The following NKAIN2 variants were observed in gnomAD, a reference collection of about 807,000 sequenced individuals.
NKAIN2 encodes sodium/potassium-transporting ATPase subunit beta-1-interacting protein 2.
NKAIN2 carries 14 observed loss-of-function variants against 32.6 expected under a neutral mutation model. The observed-to-expected ratio is 0.43, with a 90% CI of 0.28 to 0.67. The LOEUF is 0.67. Among genes scored for constraint, NKAIN2 ranks in the 30% least tolerant of loss-of-function variants. The pLI is 0.17. For synonymous variants in NKAIN2, 80 were observed against 87.2 expected, an observed-to-expected ratio of 0.92 and a Z score of 0.46; for missense variants, 198 against 258.3, an observed-to-expected ratio of 0.77 and a Z score of 1.60.
At chr6:124,616,926 C>T (rs1782927946) in intron 3 of NKAIN2, among the ~76,000 whole-genome samples, 1 of 152,006 alleles carries the variant, frequency 6.6e-6, no homozygotes, top group African/African-American at 2.4e-5. Flanking sequence ...TGACTCCAGT[C>T]ATGATATGCC....
intron 1 of NKAIN2, among the ~76,000 whole-genome samples, chr6:123,889,957 A>G (rs1773920665): frequency 6.6e-6 from 1 of 152,130 alleles, no homozygotes; most frequent in South Asian, 2.1e-4. Flanking sequence ...TGATGGCAGA[A>G]GATGACATAA....
At chr6:124,360,212 G>A (rs547128749) in intron 3 of NKAIN2, among the ~76,000 whole-genome samples, 26 of 152,216 alleles carry the variant, frequency 1.7e-4, no homozygotes, top group African/African-American at 6.0e-4. Context: ...ATGTTCATCA[G>A]GGATATTGGT....
intron 1 of NKAIN2, among the ~76,000 whole-genome samples, chr6:123,935,055 T>TTA (rs1245205053): frequency 6.1e-5 from 9 of 147,222 alleles, no homozygotes; most frequent in African/African-American, 2.2e-4. Flanking sequence ...GAAATATATA[T>TTA]TATATATATA....
At chr6:124,303,294 A>G (rs949191155) in intron 2 of NKAIN2, among the ~76,000 whole-genome samples, 3 of 152,220 alleles carry the variant, frequency 2.0e-5, no homozygotes, top group African/African-American at 7.2e-5. Context: ...CCAAGAAACC[A>G]AAGAACATGG....
chr6:124,331,284 G>A lies in NKAIN2; in HGVS notation c.193-23983G>A, dbSNP rs1412281954. Among the ~76,000 whole-genome samples the A allele has an allele frequency of 4.5e-5, 6 of 134,518 alleles. No individual in the cohort carries two copies. The East Asian group carries it at 1.2e-3, about 26-fold the overall frequency. 88.2% of individuals were successfully genotyped at this position (134,518 alleles called of 152,430 possible). ...TGGGAGGATGAGGCAGGCGTATCAC[G>A]AGGTCAGGAGATCGAGACCATCCTG... On this transcript the variant is annotated intron_variant, in intron 2 of 6. Coordinates refer to ENST00000368417, the MANE Select transcript of NKAIN2 (RefSeq NM_001040214.3).
intron 1 of NKAIN2, among the ~76,000 whole-genome samples, chr6:124,259,313 T>C (rs370640992): frequency 9.2e-5 from 14 of 152,132 alleles, no homozygotes; most frequent in Admixed American, 9.2e-4. Flanking sequence ...ACAGAAACCA[T>C]GAGGATGAGG....
chr6:124,224,491 G>C (rs567243532), intron 1 of NKAIN2, among the ~76,000 whole-genome samples: 6 of 151,978 alleles, frequency 3.9e-5, no homozygotes. Context: ...CTAGATGCTG[G>C]TAAGCAAACT....
At chr6:124,808,354 C>T (rs1230134197) in intron 5 of NKAIN2, among the ~76,000 whole-genome samples, 1 of 152,102 alleles carries the variant, frequency 6.6e-6, no homozygotes, top group Non-Finnish European at 1.5e-5. Flanking sequence ...AAATGTAATC[C>T]AGCATATAAA....
At chr6:124,670,281 C>A (rs1041039472) in intron 4 of NKAIN2, among the ~76,000 whole-genome samples, 5 of 152,068 alleles carry the variant, frequency 3.3e-5, no homozygotes, top group Non-Finnish European at 7.4e-5. Context: ...TTATGGTAGA[C>A]AATGCCTTGC....
intron 3 of NKAIN2, among the ~76,000 whole-genome samples, chr6:124,424,189 T>G (rs1156616991): frequency 6.6e-6 from 1 of 152,058 alleles, no homozygotes; most frequent in East Asian, 1.9e-4. Context: ...GAGACGGGGT[T>G]TCACAGTGTT....
At chr6:124,455,689 C>T (rs976826103) in intron 3 of NKAIN2, among the ~76,000 whole-genome samples, 2 of 151,674 alleles carry the variant, frequency 1.3e-5, no homozygotes, top group Non-Finnish European at 2.9e-5. Context: ...GGTAACATTT[C>T]CCCTAGTTAC....
intron 1 of NKAIN2, among the ~76,000 whole-genome samples, chr6:123,805,045 C>T (rs949776567): frequency 6.6e-6 from 1 of 152,028 alleles, no homozygotes; most frequent in Admixed American, 6.6e-5. Flanking sequence ...GGGCAAGGAA[C>T]CAATAATGGA....
chr6:124,490,064 A>G (rs1481744360), intron 3 of NKAIN2, among the ~76,000 whole-genome samples: 1 of 151,882 alleles, frequency 6.6e-6, no homozygotes, highest in Non-Finnish European at 1.5e-5. Flanking sequence ...ATCAGTTAAT[A>G]TTAATATATA....
At chr6:124,586,872 T>A (rs920239478) in intron 3 of NKAIN2, among the ~76,000 whole-genome samples, 1 of 152,192 alleles carries the variant, frequency 6.6e-6, no homozygotes, top group East Asian at 1.9e-4. Flanking sequence ...CAAACTGATA[T>A]ATGCAGCAAC....
chr6:124,491,739 G>A (rs1374477101), intron 3 of NKAIN2, among the ~76,000 whole-genome samples: 10 of 151,978 alleles, frequency 6.6e-5, no homozygotes, highest in African/African-American at 2.2e-4. Context: ...TTGATACGAT[G>A]TGGCGGAAAA....
chr6:124,398,931 T>A (rs968813994), intron 3 of NKAIN2, among the ~76,000 whole-genome samples: 3 of 152,210 alleles, frequency 2.0e-5, no homozygotes, highest in Admixed American at 1.3e-4. Context: ...GCCTTGATTT[T>A]ATTTATTTAT....
chr6:124,760,917 T>C (rs1778235182), intron 4 of NKAIN2, among the ~76,000 whole-genome samples: 1 of 152,198 alleles, frequency 6.6e-6, no homozygotes, highest in African/African-American at 2.4e-5. Context: ...TTTTCATTAT[T>C]GTATCCAACT....
intron 3 of NKAIN2, among the ~76,000 whole-genome samples, chr6:124,485,377 G>A (rs902703670): frequency 6.6e-6 from 1 of 152,022 alleles, no homozygotes; most frequent in Non-Finnish European, 1.5e-5. Flanking sequence ...GTTAATGAAA[G>A]CAGACTCTCT....
chr6:124,307,732 C>G (rs978416242), intron 2 of NKAIN2, among the ~76,000 whole-genome samples: 6 of 152,224 alleles, frequency 3.9e-5, no homozygotes, highest in Non-Finnish European at 8.8e-5. Flanking sequence ...TAAAATATGA[C>G]AGCTTTGTTG....
Sources: gnomAD v4.1 joint callset for allele counts (sites outside exome capture counted in the v4.1 genomes callset) on GRCh38, gnomAD v4.1.1 for gene constraint, MANE v1.5 for transcripts, NCBI Gene and HGNC (gene_info 2026-07-23, HGNC 2026-07-21) for gene names.